PCDH15: variants seen among roughly 807,000 people sequenced by gnomAD.
PCDH15 encodes the protein protocadherin-15.
PCDH15 carries 129 observed loss-of-function variants against 178.5 expected under a neutral mutation model. The ratio of observed to expected loss-of-function variants is 0.72; its 90% confidence interval spans 0.63 to 0.84. PCDH15 has a LOEUF of 0.84. Among genes scored for constraint, PCDH15 ranks in the 40% least tolerant of loss-of-function variants. The pLI is 0.00. For missense variants in PCDH15, 2,230 were observed against 2,099.9 expected, an observed-to-expected ratio of 1.06 and a Z score of -1.21; for synonymous variants, 800 against 732.0, an observed-to-expected ratio of 1.09 and a Z score of -1.50.
intron 2 of PCDH15, among the ~76,000 whole-genome samples, chr10:55,530,864 A>G (rs1224473663): frequency 6.6e-6 from 1 of 151,960 alleles, no homozygotes; most frequent in Non-Finnish European, 1.5e-5. Context: ...CTGGCAGTGG[A>G]GCTGATGGTT....
In PCDH15 at chr10:54,617,434, A is replaced by G. The variant is rs375100279; in HGVS notation, c.91+46738T>C. ...ACTCAGAAGTAAATTATGTTAATAT[A>G]CAATAAAGAGAACATACACTTTTAC... On this transcript the variant is annotated intron_variant, in intron 2 of 37. Transcript: ENST00000644397. Among the ~76,000 whole-genome samples, 55 of 152,256 alleles carry G rather than the reference A, an allele frequency of 3.6e-4. 1 individual carries two copies. Among genetic ancestry groups the G allele is most frequent in the African/African-American group, 1.3e-3 (54 of 41,568 alleles).
At chr10:54,376,662 A>G (rs185274327) in intron 4 of PCDH15, among the ~76,000 whole-genome samples, 14 of 151,846 alleles carry the variant, frequency 9.2e-5, no homozygotes, top group Admixed American at 6.6e-4. Context: ...GTAAAAACAT[A>G]CAACACCTCT....
chr10:55,303,675 A>C (rs1843346859), intron 1 of PCDH15, among the ~76,000 whole-genome samples: 2 of 152,088 alleles, frequency 1.3e-5, no homozygotes. Context: ...ATTTCATCTA[A>C]GTTGTCTATT....
At chr10:54,239,428 T>TAGAGAGAGAGAGAG (rs2054999112) in intron 8 of PCDH15, among the ~76,000 whole-genome samples, 2 of 139,530 alleles carry the variant, frequency 1.4e-5, no homozygotes, top group African/African-American at 6.2e-5. Flanking sequence ...TATATATATA[T>TAGAGAGAGAGAGAG]ATATAGAGTA....
intron 2 of PCDH15, among the ~76,000 whole-genome samples, chr10:55,000,622 T>A (rs538762622): frequency 6.6e-6 from 1 of 152,138 alleles, no homozygotes; most frequent in Non-Finnish European, 1.5e-5. Context: ...AGGGTATTGA[T>A]TGGGGAAGTG....
chr10:54,094,659 G>A (rs979347586), intron 15 of PCDH15, among the ~76,000 whole-genome samples: 1 of 152,156 alleles, frequency 6.6e-6, no homozygotes, highest in Non-Finnish European at 1.5e-5. Context: ...ATTTTGGATA[G>A]CTGGCAAGTA....
At chr10:53,915,505 GT>G (rs2083457189) in intron 25 of PCDH15, among the ~76,000 whole-genome samples, 1 of 152,134 alleles carries the variant, frequency 6.6e-6, no homozygotes, top group South Asian at 2.1e-4. Context: ...TGGCTGATAG[GT>G]TAATAACTGA....
At chr10:54,757,841 T>C (rs1349955035) in intron 1 of PCDH15, among the ~76,000 whole-genome samples, 1 of 152,140 alleles carries the variant, frequency 6.6e-6, no homozygotes, top group African/African-American at 2.4e-5. Flanking sequence ...AAATATTGAC[T>C]GAGAGTTAAA....
intron 8 of PCDH15, among the ~76,000 whole-genome samples, chr10:54,273,231 A>G (rs925881577): frequency 6.6e-6 from 1 of 152,112 alleles, no homozygotes; most frequent in African/African-American, 2.4e-5. Flanking sequence ...GAACTTAATG[A>G]CAGTGAAAAT....
chr10:54,965,608 C>CATATATATATAT (rs71461263), intron 2 of PCDH15, among the ~76,000 whole-genome samples: 16 of 141,434 alleles, frequency 1.1e-4, no homozygotes, highest in South Asian at 1.1e-3. Context: ...AACTTTGCTT[C>CATATATATATAT]ATATATATAT....
intron 23 of PCDH15, among the ~76,000 whole-genome samples, chr10:53,944,468 TA>T (rs2086355878): frequency 6.6e-6 from 1 of 152,152 alleles, no homozygotes; most frequent in Non-Finnish European, 1.5e-5. Flanking sequence ...GAAGGTTTTC[TA>T]AAAAAATATT....
At chr10:54,123,169 T>G (rs761797276) in intron 15 of PCDH15, among the ~76,000 whole-genome samples, 6 of 152,154 alleles carry the variant, frequency 3.9e-5, no homozygotes, top group Non-Finnish European at 7.3e-5. Context: ...CATTGATAAG[T>G]TGGACCTAAT....
chr10:55,222,730 C>CACACACACACACACACACACACACATAT, intron 1 of PCDH15, among the ~76,000 whole-genome samples: 7 of 121,278 alleles, frequency 5.8e-5, no homozygotes, highest in African/African-American at 2.4e-4. Context: ...CACACACACA[C>CACACACACACACACACACACACACATAT]ATATATATAT....
chr10:55,405,668 C>T (rs891327065), intron 2 of PCDH15, among the ~76,000 whole-genome samples: 1 of 151,608 alleles, frequency 6.6e-6, no homozygotes, highest in Non-Finnish European at 1.5e-5. Flanking sequence ...TAAAGTATAA[C>T]TAAATATATA....
chr10:55,443,092 G>C (rs1839234522), intron 2 of PCDH15, among the ~76,000 whole-genome samples: 1 of 152,126 alleles, frequency 6.6e-6, no homozygotes, highest in Non-Finnish European at 1.5e-5. Flanking sequence ...GCCATATGCA[G>C]AAAACTGAAA....
intron 2 of PCDH15, among the ~76,000 whole-genome samples, chr10:55,094,294 G>C (rs1842392554): frequency 6.6e-6 from 1 of 151,642 alleles, no homozygotes; most frequent in South Asian, 2.1e-4. Context: ...CGCAAGGACA[G>C]AAAACCAAAC....
chr10:54,207,378 ATG>A (rs879535806), intron 10 of PCDH15, among the ~76,000 whole-genome samples: 327 of 12,152 alleles, frequency 0.027, 1 homozygote, highest in Admixed American at 0.091. Context: ...GTGTGTGTGT[ATG>A]TGTGTGTGTG....
At position 53,889,424 on chromosome 10, in the gene PCDH15, T is replaced by A. The variant is rs183647702; in HGVS notation, c.3501+13819A>T. Among the ~76,000 whole-genome samples, 465 of 151,938 alleles carry A rather than the reference T, an allele frequency of 3.1e-3. 2 individuals are homozygous for A. Among genetic ancestry groups the A allele is most frequent in the African/African-American group, 0.011 (437 of 41,466 alleles). ...GAAAGAGACCAAAATAGTCGCCACATAAAGAGGATACAAATACTGGCAAAA... is the reference window on the plus strand; with the variant it reads ...GAAAGAGACCAAAATAGTCGCCACAAAAAGAGGATACAAATACTGGCAAAA... On this transcript the variant is annotated intron_variant, in intron 26 of 37. Transcript: ENST00000644397.
intron 3 of PCDH15, among the ~76,000 whole-genome samples, chr10:54,825,283 T>C (rs1414721435): frequency 2.0e-5 from 3 of 150,300 alleles, no homozygotes; most frequent in East Asian, 2.0e-4. Flanking sequence ...TTGTTGGACA[T>C]TTGGGTTGGT....
Sources: gnomAD v4.1 joint callset for allele counts (sites outside exome capture counted in the v4.1 genomes callset) on GRCh38, gnomAD v4.1.1 for gene constraint, MANE v1.5 for transcripts, NCBI Gene and HGNC (gene_info 2026-07-23, HGNC 2026-07-21) for gene names.